Variants in CPNE4 observed in about 807,000 individuals in gnomAD.
CPNE4 encodes the protein copine 4.
A neutral mutation model predicts 67.9 loss-of-function variants in CPNE4; 25 were observed. The ratio of observed to expected loss-of-function variants is 0.37; its 90% CI spans 0.27 to 0.51. The LOEUF (loss-of-function observed/expected upper bound fraction) is 0.51. Ranked by LOEUF, CPNE4 falls within the 20% of genes least tolerant of loss-of-function variation. The pLI is 0.93. For synonymous variants in CPNE4, 242 were observed against 244.9 expected, an observed-to-expected ratio of 0.99 and a Z score of 0.11; for missense variants, 464 against 690.8, an observed-to-expected ratio of 0.67 and a Z score of 3.68.
chr3:131,699,724 G>A (rs1560138392), intron 4 of CPNE4, among the ~76,000 whole-genome samples, 185 bp downstream of exon 4: 1 of 152,132 alleles, frequency 6.6e-6, no homozygotes, highest in Non-Finnish European at 1.5e-5. Flanking sequence ...AGAGTTAGAA[G>A]GATCAAAATT....
At chr3:132,006,482 T>C (rs2073610002) in intron 1 of CPNE4, among the ~76,000 whole-genome samples, 1 of 152,184 alleles carries the variant, frequency 6.6e-6, no homozygotes, top group Non-Finnish European at 1.5e-5. Flanking sequence ...ATCTACAGAC[T>C]GTGACATTTT....
intron 2 of CPNE4, among the ~76,000 whole-genome samples, chr3:131,851,054 C>G (rs1160596173): frequency 6.6e-6 from 1 of 151,916 alleles, no homozygotes; most frequent in Non-Finnish European, 1.5e-5. Context: ...TGAACTAAAA[C>G]AACACAATGA....
intron 1 of CPNE4, among the ~76,000 whole-genome samples, chr3:131,994,811 C>A (rs2073249115): frequency 6.6e-6 from 1 of 152,182 alleles, no homozygotes; most frequent in Non-Finnish European, 1.5e-5. Context: ...GTCACTTGTA[C>A]AGAAAAGCAT....
At chr3:131,776,607 AC>A (rs1469591095) in intron 2 of CPNE4, among the ~76,000 whole-genome samples, 1 of 152,116 alleles carries the variant, frequency 6.6e-6, no homozygotes, top group Non-Finnish European at 1.5e-5. Flanking sequence ...TGAGAATAAT[AC>A]CCCTAGCGAT....
chr3:131,737,654 G>A (rs62279032), intron 2 of CPNE4, among the ~76,000 whole-genome samples: 1,822 of 152,248 alleles, frequency 0.012, 22 homozygotes, highest in Middle Eastern at 0.034. Context: ...GACTTCAAGC[G>A]TTTATCATGA....
At chr3:131,745,676 A>G (rs2082470377) in intron 2 of CPNE4, among the ~76,000 whole-genome samples, 1 of 152,048 alleles carries the variant, frequency 6.6e-6, no homozygotes, top group Non-Finnish European at 1.5e-5. Context: ...TTGCTTTTGT[A>G]CCTTTGTCAA....
chr3:131,607,100 C>T (rs982182312), intron 7 of CPNE4, among the ~76,000 whole-genome samples: 1 of 151,612 alleles, frequency 6.6e-6, no homozygotes, highest in African/African-American at 2.4e-5. Context: ...AGAAGCAATT[C>T]TCCTCCTCTA....
At chr3:131,957,811 G>A (rs2072021222) in intron 1 of CPNE4, among the ~76,000 whole-genome samples, 2 of 152,218 alleles carry the variant, frequency 1.3e-5, no homozygotes, top group South Asian at 2.1e-4. Context: ...TTCTGTGCCA[G>A]AAAGTGAACG....
At chr3:131,780,905 T>C (rs1011682235) in intron 2 of CPNE4, among the ~76,000 whole-genome samples, 1 of 151,748 alleles carries the variant, frequency 6.6e-6, no homozygotes, top group Admixed American at 6.6e-5. Context: ...AGCAGATCCA[T>C]AGGGGGAGAT....
chr3:131,884,504 T>C (rs2054324), intron 2 of CPNE4, among the ~76,000 whole-genome samples: 43,828 of 152,060 alleles, frequency 0.29, 7,395 homozygotes, highest in Non-Finnish European at 0.37. Flanking sequence ...AGAGGACTCA[T>C]AGTGTGACCA....
intron 2 of CPNE4, among the ~76,000 whole-genome samples, chr3:131,835,444 G>A (rs752376726): frequency 3.3e-5 from 5 of 152,102 alleles, no homozygotes; most frequent in East Asian, 1.9e-4. Context: ...CAGGAGAATC[G>A]CTTGAACCTA....
intron 7 of CPNE4, among the ~76,000 whole-genome samples, chr3:131,641,478 C>G (rs756753740): frequency 3.3e-5 from 5 of 152,080 alleles, no homozygotes; most frequent in Non-Finnish European, 7.4e-5. Context: ...CGCCTCACAT[C>G]TGCAAAAATG....
At chr3:131,977,572 A>G (rs773288526) in intron 1 of CPNE4, among the ~76,000 whole-genome samples, 17 of 152,104 alleles carry the variant, frequency 1.1e-4, no homozygotes, top group Non-Finnish European at 2.2e-4. Context: ...ACATACATAT[A>G]CACCCAAACA....
At chr3:131,912,203 G>T (rs2089005008) in intron 1 of CPNE4, among the ~76,000 whole-genome samples, 1 of 152,076 alleles carries the variant, frequency 6.6e-6, no homozygotes, top group Admixed American at 6.6e-5. Context: ...GATAATTTAA[G>T]TTATTAAAAA....
At chr3:132,001,261 G>C (rs1405857090) in intron 1 of CPNE4, among the ~76,000 whole-genome samples, 1 of 151,902 alleles carries the variant, frequency 6.6e-6, no homozygotes, top group East Asian at 1.9e-4. Flanking sequence ...TACTTTATTC[G>C]AACAGATGAG....
At chr3:131,730,138 C>T (rs1453688448) in intron 2 of CPNE4, among the ~76,000 whole-genome samples, 3 of 151,910 alleles carry the variant, frequency 2.0e-5, no homozygotes, top group South Asian at 2.1e-4. Flanking sequence ...TAATGATATA[C>T]CATTGTTTAA....
intron 2 of CPNE4, among the ~76,000 whole-genome samples, chr3:131,851,363 A>G (rs890975934): frequency 4.6e-5 from 7 of 152,120 alleles, no homozygotes; most frequent in Non-Finnish European, 1.0e-4. Context: ...AGAATATTCT[A>G]TGAGCTTAGC....
chr3:131,776,035 C>T, intron 2 of CPNE4, among the ~76,000 whole-genome samples: 1 of 152,150 alleles, frequency 6.6e-6, no homozygotes, highest in East Asian at 1.9e-4. Context: ...CATTCAGGCT[C>T]TGGGCCCAGG....
chr3:131,752,710 A>G (rs746942737), intron 2 of CPNE4, among the ~76,000 whole-genome samples: 3 of 152,226 alleles, frequency 2.0e-5, no homozygotes, highest in Non-Finnish European at 4.4e-5. Flanking sequence ...TTTTAACATG[A>G]AAGACACAAC....
Sources: gnomAD v4.1 joint callset for allele counts (sites outside exome capture counted in the v4.1 genomes callset) on GRCh38, gnomAD v4.1.1 for gene constraint, MANE v1.5 for transcripts, NCBI Gene and HGNC (gene_info 2026-07-23, HGNC 2026-07-21) for gene names.